The following USF3 variants were observed in gnomAD, a reference collection of about 807,000 sequenced individuals.
The protein encoded by USF3 is basic helix-loop-helix domain-containing protein USF3.
In USF3, 29 loss-of-function variants were observed where a neutral mutation model predicts 157.5. The ratio of observed to expected loss-of-function variants is 0.18; its 90% CI spans 0.14 to 0.25. The LOEUF (loss-of-function observed/expected upper bound fraction) is 0.25, where lower values mean the gene tolerates loss of function less well. Ranked by LOEUF, USF3 falls within the 10% of genes least tolerant of loss-of-function variation. The pLI is 1.00. For synonymous variants in USF3, 893 were observed against 941.4 expected (o/e 0.95, Z 0.94); for missense variants, 2,381 against 2,667.6 (o/e 0.89, Z 2.37).
Position 113,661,060 on chromosome 3 carries a change from G to C in USF3, c.622C>G (p.Pro208Ala). ...ISGVYPSENK[P>A]WHQTTVPALA... is the part of the protein sequence containing the mutation. ...GCAGGAACTGTGGTCTGATGCCATG[G>C]CTTGTTTTCAGAAGGGTAAACTCCA... Residue 208 changes from proline (P) to alanine (A), a missense_variant, in exon 7 of 7, where the codon CCA becomes GCA. Transcript: ENST00000316407. 1 of 1,614,182 alleles carries C rather than the reference G, an allele frequency of 6.2e-7. No individual in the cohort carries two copies. The highest frequency in any genetic ancestry group is 8.5e-7 in the Non-Finnish European group (1 of 1,180,038).
Position 113,658,951 on chromosome 3 carries a change from C to A in USF3, c.2731G>T (p.Asp911Tyr). The change falls in exon 7 of 7, where the codon GAT (aspartate) becomes TAT (tyrosine). Residue 911 changes from aspartate to tyrosine, a missense_variant. By Grantham distance (160) the Asp-to-Tyr change is radical. Around this residue, in one of 6 missense-constraint regions of USF3, gnomAD observed 1,435 missense variants for 1,550.9 expected, o/e 0.93. Coordinates refer to ENST00000316407, the MANE Select transcript of USF3 (RefSeq NM_001009899.4). ...HFAMAAAKSK[D>Y]STPNLQQETS... ...TCTTGTTGTAGATTAGGGGTAGAATCTTTGGATTTTGCTGCGGCCATTGCA... is the reference window on the plus strand; with the variant it reads ...TCTTGTTGTAGATTAGGGGTAGAATATTTGGATTTTGCTGCGGCCATTGCA... The A allele has an allele frequency of 6.2e-7, 1 of 1,614,116 alleles. No homozygotes were observed. The highest frequency in any genetic ancestry group is 2.2e-5 in the East Asian group (1 of 44,884).
rs1415753931 is a variant in USF3, at chr3:113,659,087, A to G, written c.2595T>C (p.His865=). 34 of 1,614,048 alleles carry G rather than the reference A, an allele frequency of 2.1e-5. No individual in the cohort carries two copies. Among genetic ancestry groups the G allele is most frequent in the African/African-American group, 2.7e-5 (2 of 74,930 alleles). ...QANSVSVSAS[H]SLGVLSSESL... ...ATTCAGAGCTTAGAACACCCAAAGA[A>G]TGTGAAGCAGAAACACTCACACTAT... The change falls in exon 7 of 7, where the codon CAT becomes CAC. Residue 865 remains histidine (H), a synonymous_variant. Coordinates refer to ENST00000316407, the MANE Select transcript of USF3 (RefSeq NM_001009899.4).
At position 113,687,333 on chromosome 3, in the gene USF3, T is replaced by C. The variant is rs181398693; in HGVS notation, c.-135+9037A>G. Among the ~76,000 whole-genome samples, 21 of 152,106 alleles carry C rather than the reference T, an allele frequency of 1.4e-4. 1 individual carries two copies. The highest frequency in any genetic ancestry group is 3.9e-4 in the Admixed American group (6 of 15,260). The stretch of plus-strand genomic sequence containing the variant: ...CTCCAGGCTCATCTTGTGTTTCCCC[T>C]GCCCCACTCTTAGAATCAGCTTTCC... On this transcript the variant is annotated intron_variant, in intron 1 of 6. Coordinates refer to ENST00000316407, the MANE Select transcript of USF3 (RefSeq NM_001009899.4).
chr3:113,660,198 A>G lies in USF3; in HGVS notation c.1484T>C (p.Val495Ala), dbSNP rs763147506. The G allele has an allele frequency of 6.2e-7, 1 of 1,614,182 alleles. No homozygotes were observed. Among genetic ancestry groups the G allele is most frequent in the Non-Finnish European group, 8.5e-7 (1 of 1,180,032 alleles). Residue 495 changes from valine to alanine, a missense_variant, in exon 7 of 7, where the codon GTT becomes GCT. Transcript: ENST00000316407. The stretch of plus-strand genomic sequence containing the variant: ...AGATGGACAAGAAGGCAATGTTACA[A>G]CTACTTGCTCAACTGGCTGCCCATC... ...PADGQPVEQVVVTLPSCPSLP... is the reference protein window; with the variant it reads ...PADGQPVEQVAVTLPSCPSLP...
At chr3:113,683,749 G>A (rs1384950218) in intron 1 of USF3, among the ~76,000 whole-genome samples, 3 of 151,938 alleles carry the variant, frequency 2.0e-5, no homozygotes, top group Non-Finnish European at 4.4e-5. Context: ...TTAAAGGCGT[G>A]AGCCACCGTG....
In USF3 at chr3:113,655,481, A is replaced by G. The variant is rs149001610; in HGVS notation, c.6201T>C (p.Phe2067=). The change falls in exon 7 of 7, where the codon TTT becomes TTC. Residue 2067 remains phenylalanine (F), a synonymous_variant. Transcript: ENST00000316407. ...GTGGATTCATGCCACCCTCAGGAAT[A>G]AAAGAAAAACCAAAATTTTGTGATA... ...HTLSQNFGFS[F]IPEGGMNPPI... 181 of 1,614,172 alleles carry G rather than the reference A, an allele frequency of 1.1e-4. 1 individual carries two copies. In the East Asian group the frequency reaches 3.9e-3, roughly 35 times the overall value.
Position 113,655,199 on chromosome 3 carries a change from A to C in USF3, c.6483T>G (p.Pro2161=), listed in dbSNP as rs1947331979. ...RFGSILSPPR[P]VGFAQPSFPL... is the part of the protein sequence containing the mutation. Reference sequence around the variant, plus strand: ...GAAAACTTGGTTGAGCAAACCCAACAGGTCTGGGAGGAGATAAAATTGATC... The same window carrying C: ...GAAAACTTGGTTGAGCAAACCCAACCGGTCTGGGAGGAGATAAAATTGATC... The change falls in exon 7 of 7, where the codon CCT becomes CCG. Residue 2161 remains proline (P), a synonymous_variant. Transcript: ENST00000316407. The C allele has an allele frequency of 6.8e-6, 11 of 1,614,214 alleles. No individual in the cohort carries two copies. The highest frequency in any genetic ancestry group is 1.1e-5 in the South Asian group (1 of 91,084).
At position 113,649,361 on chromosome 3, in the gene USF3, T is replaced by C. The variant is rs552976828; in HGVS notation, c.*5583A>G. ...TCCAATGTTTACAACCCAAGTTGGCTCACGTTTATGAAGCATCTGACCACA... is the reference window on the plus strand; with the variant it reads ...TCCAATGTTTACAACCCAAGTTGGCCCACGTTTATGAAGCATCTGACCACA... On this transcript the variant is annotated 3_prime_UTR_variant, in exon 7 of 7. Transcript: ENST00000316407. 1 of 154,182 alleles carries C rather than the reference T, an allele frequency of 6.5e-6. No homozygotes were observed. The highest frequency in any genetic ancestry group is 1.9e-4 in the East Asian group (1 of 5,244). 9.6% of individuals were successfully genotyped at this position (154,182 alleles called of 1,614,324 possible). A position where few individuals can be genotyped will look rare whatever the true frequency, so the allele number is the denominator to read the frequency against.
intron 1 of USF3, among the ~76,000 whole-genome samples, chr3:113,695,527 G>A (rs1707778719): frequency 1.3e-5 from 2 of 152,202 alleles, no homozygotes; most frequent in East Asian, 1.9e-4. Flanking sequence ...CTACACAGTT[G>A]GCCACGACTG....
chr3:113,656,715 G>A lies in USF3; in HGVS notation c.4967C>T (p.Thr1656Ile). 2 of 1,614,104 alleles carry A rather than the reference G, an allele frequency of 1.2e-6. No individual in the cohort carries two copies. The highest frequency in any genetic ancestry group is 2.2e-5 in the East Asian group (1 of 44,882). ...IVTRSSDMTC[T>I]PHRPERNRVS... ...TCTATTTCTCTCTGGCCTGTGTGGA[G>A]TACAGGTCATGTCTGAAGATCTAGT... Residue 1656 changes from threonine to isoleucine, a missense_variant, in exon 7 of 7, where the codon ACT becomes ATT. Coordinates refer to ENST00000316407, the MANE Select transcript of USF3 (RefSeq NM_001009899.4).
chr3:113,665,662 T>A (rs1047564228), intron 5 of USF3, among the ~76,000 whole-genome samples: 1 of 150,114 alleles, frequency 6.7e-6, no homozygotes, highest in Non-Finnish European at 1.5e-5. Flanking sequence ...CCCGTCTCTA[T>A]CAAAATTACA....
intron 5 of USF3, 116 bp from the exon 6 acceptor site, chr3:113,664,525 A>G: frequency 1.8e-6 from 1 of 543,920 alleles, no homozygotes; most frequent in South Asian, 2.8e-5. Context: ...CTCAAAATTT[A>G]AAACAGGCAC....
intron 1 of USF3, among the ~76,000 whole-genome samples, chr3:113,684,557 C>A (rs913522642): frequency 6.6e-6 from 1 of 151,980 alleles, no homozygotes; most frequent in Non-Finnish European, 1.5e-5. Context: ...TCTTTTGCCT[C>A]CTCTGAGTAT....
chr3:113,668,554 C>T (rs1199371515), intron 5 of USF3, among the ~76,000 whole-genome samples: 2 of 151,610 alleles, frequency 1.3e-5, no homozygotes, highest in Admixed American at 6.6e-5. Flanking sequence ...ACACTTAGGG[C>T]TACCAAAATA....
At chr3:113,682,110 G>A (rs931841769) in intron 1 of USF3, among the ~76,000 whole-genome samples, 1 of 152,186 alleles carries the variant, frequency 6.6e-6, no homozygotes, top group Admixed American at 6.5e-5. Context: ...GACTGCTGGA[G>A]CCTAGGAGTT....
At chr3:113,666,383 C>T (rs983457945) in intron 5 of USF3, among the ~76,000 whole-genome samples, 1 of 147,944 alleles carries the variant, frequency 6.8e-6, no homozygotes, top group Non-Finnish European at 1.5e-5. Context: ...TCTCAAGTAG[C>T]TGAGACTACA....
chr3:113,666,528 C>T (rs1947570344), intron 5 of USF3, among the ~76,000 whole-genome samples: 1 of 147,144 alleles, frequency 6.8e-6, no homozygotes, highest in Non-Finnish European at 1.5e-5. Context: ...GGTGGGATTA[C>T]AGGTGTGAGC....
chr3:113,664,827 G>A (rs1044081289), intron 5 of USF3, among the ~76,000 whole-genome samples: 1 of 152,138 alleles, frequency 6.6e-6, no homozygotes, highest in Admixed American at 6.5e-5. Context: ...TTTTTGGGAG[G>A]TAATTAGGTC....
intron 1 of USF3, among the ~76,000 whole-genome samples, chr3:113,677,619 CAGCCAACGGATGGTCCCCA>C (rs1392664775): frequency 1.3e-5 from 2 of 152,318 alleles, no homozygotes; most frequent in East Asian, 3.9e-4. Flanking sequence ...GGTAGTCTTA[CAGCCAACGGATGGTCCCCA>C]AGAGGGGATT....
Sources: gnomAD v4.1 joint callset for allele counts (sites outside exome capture counted in the v4.1 genomes callset) on GRCh38, gnomAD v4.1.1 for gene constraint, gnomAD v4.1.1 regional missense constraint, MANE v1.5 for transcripts, NCBI Gene and HGNC (gene_info 2026-07-23, HGNC 2026-07-21) for gene names.